ZC3H12B: variants seen among roughly 807,000 people sequenced by gnomAD.
ZC3H12B encodes zinc finger CCCH-type containing 12B.
Under a neutral mutation model 43.9 loss-of-function variants are expected in ZC3H12B, and 7 were observed. The ratio of observed to expected loss-of-function variants is 0.16; its 90% confidence interval spans 0.09 to 0.30. ZC3H12B has a LOEUF of 0.30. Ranked by LOEUF, ZC3H12B falls within the 10% of genes least tolerant of loss-of-function variation. ZC3H12B has a pLI of 1.00. For synonymous variants in ZC3H12B, 222 were observed against 241.7 expected (o/e 0.92, Z 0.76); for missense variants, 475 against 670.2 (o/e 0.71, Z 3.22).
At chrX:65,448,350 T>A (rs1312220084) in intron 3 of ZC3H12B, among the ~76,000 whole-genome samples, 1 of 112,154 alleles carries the variant, frequency 8.9e-6, no homozygotes, top group Non-Finnish European at 1.9e-5. Flanking sequence ...CTTAAATAAT[T>A]AAAGGTAGAC....
At chrX:65,365,686 A>C (rs1489540476), upstream of ZC3H12B, among the ~76,000 whole-genome samples, 2 of 111,126 alleles carry the variant, frequency 1.8e-5, no homozygotes, top group Non-Finnish European at 3.8e-5. Context: ...AGCCCAAGCT[A>C]AGCCATCATA....
At chrX:65,216,660 T>C in the ZC3H12B span, among the ~76,000 whole-genome samples, 2 of 97,414 alleles carry the variant, frequency 2.1e-5, no homozygotes, top group African/African-American at 1.2e-4. Flanking sequence ...ACTTCACTCT[T>C]TCCCCACCAC....
the ZC3H12B span, among the ~76,000 whole-genome samples, chrX:65,275,007 T>C: frequency 8.9e-6 from 1 of 112,056 alleles, no homozygotes; most frequent in Non-Finnish European, 1.9e-5. Flanking sequence ...AGTGTATCCA[T>C]ATTCCATGAC....
chrX:65,212,205 TATATA>T, the ZC3H12B span, among the ~76,000 whole-genome samples: 1 of 45,661 alleles, frequency 2.2e-5, no homozygotes, highest in Non-Finnish European at 3.5e-5. Flanking sequence ...ATATAATTAT[TATATA>T]ATATATTATA....
the ZC3H12B span, among the ~76,000 whole-genome samples, chrX:65,306,042 C>T: frequency 8.9e-6 from 1 of 111,738 alleles, no homozygotes; most frequent in African/African-American, 3.3e-5. Flanking sequence ...CTGTGCCAAG[C>T]AATATAAGAA....
At chrX:65,084,515 G>A in the ZC3H12B span, among the ~76,000 whole-genome samples, 751 of 112,339 alleles carry the variant, frequency 6.7e-3, 8 homozygotes, top group African/African-American at 0.023. Context: ...GTTGCTCAAC[G>A]TCATTGATCA....
At chrX:65,134,625 C>T in the ZC3H12B span, among the ~76,000 whole-genome samples, 1 of 111,316 alleles carries the variant, frequency 9.0e-6, no homozygotes, top group Non-Finnish European at 1.9e-5. Context: ...GACCCAAGGT[C>T]GTAGGGGGAT....
chrX:65,084,244 G>A, the ZC3H12B span, among the ~76,000 whole-genome samples: 2 of 111,431 alleles, frequency 1.8e-5, no homozygotes, highest in Non-Finnish European at 3.8e-5. Context: ...CAGCCAAAGC[G>A]AAAACAAACA....
the ZC3H12B span, among the ~76,000 whole-genome samples, chrX:65,156,955 A>G: frequency 9.0e-6 from 1 of 111,241 alleles, no homozygotes; most frequent in Non-Finnish European, 1.9e-5. Flanking sequence ...GTGATTACTG[A>G]CATTTTTCTT....
the ZC3H12B span, among the ~76,000 whole-genome samples, chrX:65,308,369 C>T: frequency 9.1e-6 from 1 of 110,490 alleles, no homozygotes; most frequent in African/African-American, 3.3e-5. Context: ...AGACTTTAAA[C>T]CAACAAAGAT....
chrX:65,157,536 A>G, the ZC3H12B span, among the ~76,000 whole-genome samples: 1 of 111,461 alleles, frequency 9.0e-6, no homozygotes, highest in Admixed American at 9.6e-5. Flanking sequence ...GTCAGCTAGT[A>G]TTTACCTAGT....
chrX:65,379,071 AG>A (rs2066394759), intron 2 of ZC3H12B, among the ~76,000 whole-genome samples: 1 of 112,186 alleles, frequency 8.9e-6, no homozygotes, highest in Admixed American at 9.4e-5. Flanking sequence ...AGGTAAACAA[AG>A]CAGCCGGGAA....
intron 3 of ZC3H12B, among the ~76,000 whole-genome samples, chrX:65,412,191 C>T (rs1429963620): frequency 9.0e-6 from 1 of 111,414 alleles, no homozygotes; most frequent in East Asian, 2.8e-4. Flanking sequence ...TATGTTCTGT[C>T]GCTGTGTATT....
the ZC3H12B span, among the ~76,000 whole-genome samples, chrX:65,317,369 C>A: frequency 1.8e-5 from 2 of 110,491 alleles, no homozygotes; most frequent in Non-Finnish European, 3.8e-5. Context: ...AATTACACAA[C>A]CTACTCTTTT....
chrX:65,132,804 A>G, the ZC3H12B span, among the ~76,000 whole-genome samples: 1 of 111,030 alleles, frequency 9.0e-6, no homozygotes, highest in East Asian at 2.8e-4. Flanking sequence ...CTCCGTAGTG[A>G]TTAAGAAGGG....
intron 2 of ZC3H12B, among the ~76,000 whole-genome samples, chrX:65,396,982 T>C (rs150069212): frequency 1.8e-5 from 2 of 112,053 alleles, no homozygotes; most frequent in African/African-American, 6.5e-5. Flanking sequence ...TTTTTTATCT[T>C]TGTTGGTTTA....
At chrX:65,207,244 G>A in the ZC3H12B span, among the ~76,000 whole-genome samples, 10,851 of 101,530 alleles carry the variant, frequency 0.11, 1,539 homozygotes, top group African/African-American at 0.4. Context: ...GTGTGTGTGT[G>A]TATATATACA....
the ZC3H12B span, among the ~76,000 whole-genome samples, chrX:65,085,755 C>T: frequency 9.2e-6 from 1 of 108,609 alleles, no homozygotes; most frequent in African/African-American, 3.3e-5. Flanking sequence ...ATGGGCTATA[C>T]CCTGTCTCGA....
chrX:65,192,520 T>G, the ZC3H12B span, among the ~76,000 whole-genome samples: 1,463 of 111,208 alleles, frequency 0.013, 10 homozygotes, highest in Non-Finnish European at 0.019. Context: ...TGAGGTATGT[T>G]TATTCTGTAC....
Sources: gnomAD v4.1 joint callset for allele counts (sites outside exome capture counted in the v4.1 genomes callset) on GRCh38, gnomAD v4.1.1 for gene constraint, MANE v1.5 for transcripts, NCBI Gene and HGNC (gene_info 2026-07-23, HGNC 2026-07-21) for gene names.